SLC6A11: variants seen among roughly 807,000 people sequenced by gnomAD.
The protein encoded by SLC6A11 is sodium- and chloride-dependent GABA transporter 3.
Under a neutral mutation model 74.8 loss-of-function variants are expected in SLC6A11, and 25 were observed. The ratio of observed to expected loss-of-function variants is 0.33; its 90% CI spans 0.24 to 0.47. The LOEUF is 0.47. Among genes scored for constraint, SLC6A11 ranks in the 20% least tolerant of loss-of-function variants. The pLI, the probability that SLC6A11 is intolerant of heterozygous loss-of-function variation, is 1.00. For synonymous variants in SLC6A11, 330 were observed against 330.2 expected (o/e 1.00, Z 0.01); for missense variants, 574 against 837.0 (o/e 0.69, Z 3.88).
intron 6 of SLC6A11, among the ~76,000 whole-genome samples, chr3:10,898,933 C>T (rs1328156923): frequency 6.6e-6 from 1 of 152,134 alleles, no homozygotes; most frequent in Non-Finnish European, 1.5e-5. Context: ...GCTGGGGAAG[C>T]CTCACAATCA....
At position 10,918,657 on chromosome 3, in the gene SLC6A11, G is replaced by A. The variant is rs1287516904; in HGVS notation, c.1120+204G>A. Among the ~76,000 whole-genome samples the A allele has an allele frequency of 6.6e-6, 1 of 151,632 alleles. No individual in the cohort carries two copies. The highest frequency in any genetic ancestry group is 1.5e-5 in the Non-Finnish European group (1 of 67,922). On this transcript the variant is annotated intron_variant, in intron 8 of 13. Coordinates refer to ENST00000254488, the MANE Select transcript of SLC6A11 (RefSeq NM_014229.3). The surrounding 1 kb of genome is among the most constrained non-coding windows in gnomAD (Gnocchi z 4.5). ...ACACCTCCTCCCTCCCAAATCCAAGGCATCCCCGAGTTTTGTAGATGCTGT... is the reference window on the plus strand; with the variant it reads ...ACACCTCCTCCCTCCCAAATCCAAGACATCCCCGAGTTTTGTAGATGCTGT...
intron 4 of SLC6A11, among the ~76,000 whole-genome samples, chr3:10,835,275 G>A (rs2106580264): frequency 6.6e-6 from 1 of 152,298 alleles, no homozygotes; most frequent in South Asian, 2.1e-4. Context: ...TTGAGTCCTG[G>A]GAGGAGGAGT....
chr3:10,887,954 G>A (rs78502354), intron 6 of SLC6A11, among the ~76,000 whole-genome samples: 5,458 of 152,280 alleles, frequency 0.036, 343 homozygotes, highest in African/African-American at 0.12. Context: ...TGACTGCAAA[G>A]CCAGAGAGTT....
At chr3:10,834,696 G>A (rs550064526) in intron 4 of SLC6A11, among the ~76,000 whole-genome samples, 23 of 152,176 alleles carry the variant, frequency 1.5e-4, no homozygotes, top group Non-Finnish European at 3.1e-4. Flanking sequence ...CATGCAGGAT[G>A]GGGGAGAAGC....
Position 10,821,116 on chromosome 3 carries a change from C to T in SLC6A11, c.532+1264C>T, listed in dbSNP as rs1181802405. Among the ~76,000 whole-genome samples, 3 of 152,096 alleles carry T rather than the reference C, an allele frequency of 2.0e-5. No homozygotes were observed. The East Asian group carries it at 5.8e-4, about 29-fold the overall frequency. On this transcript the variant is annotated intron_variant, in intron 3 of 13. Transcript: ENST00000254488. ...CTTTAGGGCCCTAGTTTTTAACCTC[C>T]CTTTGGCCAGGGAACTCATAGAAAT...
At chr3:10,911,864 A>C (rs2581206) in intron 6 of SLC6A11, among the ~76,000 whole-genome samples, 56,556 of 152,012 alleles carry the variant, frequency 0.37, 11,209 homozygotes, top group East Asian at 0.51. Flanking sequence ...TTATTCATAA[A>C]CTCTGGCAAA....
At chr3:10,850,890 G>A in intron 5 of SLC6A11, among the ~76,000 whole-genome samples, 1 of 152,176 alleles carries the variant, frequency 6.6e-6, no homozygotes, top group Non-Finnish European at 1.5e-5. Flanking sequence ...GACCAGGGAG[G>A]AGGTGGCAGG....
At chr3:10,838,039 G>A (rs1694389000) in intron 4 of SLC6A11, among the ~76,000 whole-genome samples, 1 of 152,242 alleles carries the variant, frequency 6.6e-6, no homozygotes, top group Admixed American at 6.5e-5. Context: ...CAGCTTTTAG[G>A]GCGGTCTCCA....
intron 6 of SLC6A11, among the ~76,000 whole-genome samples, chr3:10,893,059 G>T (rs1205377575): frequency 6.6e-6 from 1 of 152,186 alleles, no homozygotes; most frequent in Non-Finnish European, 1.5e-5. Context: ...AGTGCATATT[G>T]TAGCCTGTGG....
chr3:10,853,711 G>GTCATAAAGA lies in SLC6A11; in HGVS notation c.756+9366_756+9367insCATAAAGAT, dbSNP rs563141538. 2.0e-4 allele frequency among the ~76,000 whole-genome samples: 30 copies of GTCATAAAGA among 152,308 alleles called. 1 individual carries two copies. The highest frequency in any genetic ancestry group is 1.8e-3 in the Admixed American group (27 of 15,304). ...ATCTGAGTGACTGAGGCCCACCCCG[G>GTCATAAAGA]TTATCCCACATAATCTCCTGGACAT... On this transcript the variant is annotated intron_variant, in intron 5 of 13. Transcript: ENST00000254488.
At chr3:10,854,873 G>A (rs1337260712) in intron 5 of SLC6A11, among the ~76,000 whole-genome samples, 2 of 152,170 alleles carry the variant, frequency 1.3e-5, no homozygotes, top group African/African-American at 4.8e-5. Context: ...AGCTCCCGAA[G>A]GACAGAGTGC....
intron 4 of SLC6A11, among the ~76,000 whole-genome samples, chr3:10,827,513 G>T (rs1029496275): frequency 6.6e-6 from 1 of 152,108 alleles, no homozygotes; most frequent in Non-Finnish European, 1.5e-5. Context: ...TTGTTTCCTT[G>T]TGTGGCTGGT....
rs753345471 is a variant in SLC6A11 at position 10,929,998 on chromosome 3, CA to C, written c.1371+663del. ...TTAGGTATTTTTCTCCCCATATACA[CA>C]AAATTAATTAATTTAAAAACAAAAA... is the stretch of plus-strand genomic sequence containing the variant. On this transcript the variant is annotated intron_variant, in intron 10 of 13. Transcript: ENST00000254488. Among the ~76,000 whole-genome samples, 9 of 151,928 alleles carry C rather than the reference CA, an allele frequency of 5.9e-5. No individual in the cohort carries two copies. The East Asian group carries it at 1.3e-3, about 23-fold the overall frequency.
chr3:10,896,208 C>G (rs1428623442), intron 6 of SLC6A11, among the ~76,000 whole-genome samples: 1 of 152,214 alleles, frequency 6.6e-6, no homozygotes, highest in Non-Finnish European at 1.5e-5. Flanking sequence ...ACAGTCAGGG[C>G]CTCTGAGGCC....
At chr3:10,907,429 C>T (rs1202797995) in intron 6 of SLC6A11, among the ~76,000 whole-genome samples, 5 of 152,100 alleles carry the variant, frequency 3.3e-5, no homozygotes, top group East Asian at 1.9e-4. Flanking sequence ...AACATACATA[C>T]GAGTCCCCAA....
chr3:10,816,419 C>A lies in SLC6A11; in HGVS notation c.154C>A (p.His52Asn). ...CGACAAGGCGGTCCACGAGCGCGGC[C>A]ACTGGAACAACAAGGTGGAGTTCGT... ...KRDKAVHERGHWNNKVEFVLS... is the reference protein window; with the variant it reads ...KRDKAVHERGNWNNKVEFVLS... Residue 52 changes from histidine to asparagine, a missense_variant, in exon 1 of 14, where the codon CAC becomes AAC. His to Asn is a moderately conservative substitution (Grantham distance 68). This residue lies in a region of SLC6A11 where 86 missense variants were observed against 87.4 expected (regional missense o/e 0.98). Coordinates refer to ENST00000254488, the MANE Select transcript of SLC6A11 (RefSeq NM_014229.3). The surrounding 1 kb of genome is among the most constrained non-coding windows in gnomAD (Gnocchi z 4.2). 1 of 1,599,474 alleles carries A rather than the reference C, an allele frequency of 6.3e-7. No homozygotes were observed. The highest frequency in any genetic ancestry group is 8.5e-7 in the Non-Finnish European group (1 of 1,173,724).
intron 6 of SLC6A11, among the ~76,000 whole-genome samples, chr3:10,892,378 C>G (rs1476319880): frequency 2.0e-5 from 3 of 152,182 alleles, no homozygotes; most frequent in Non-Finnish European, 2.9e-5. Flanking sequence ...GCTCAGCCTC[C>G]TATGCTGTAC....
chr3:10,896,792 AG>A (rs1370945994), intron 6 of SLC6A11, among the ~76,000 whole-genome samples: 1 of 152,194 alleles, frequency 6.6e-6, no homozygotes, highest in South Asian at 2.1e-4. Context: ...GGAAATGGTG[AG>A]GGGGCATAGA....
At chr3:10,870,657 C>A (rs1222726505) in intron 5 of SLC6A11, among the ~76,000 whole-genome samples, 1 of 152,190 alleles carries the variant, frequency 6.6e-6, no homozygotes, top group Admixed American at 6.5e-5. Flanking sequence ...TTAGAAGTAG[C>A]TTTTACAGAG....
Sources: gnomAD v4.1 joint callset for allele counts (sites outside exome capture counted in the v4.1 genomes callset) on GRCh38, gnomAD v4.1.1 for gene constraint, gnomAD v4.1.1 regional missense constraint, Gnocchi (gnomAD v3.1) non-coding constraint, MANE v1.5 for transcripts, NCBI Gene and HGNC (gene_info 2026-07-23, HGNC 2026-07-21) for gene names.